JAK2: variants seen among roughly 807,000 people sequenced by gnomAD.
The protein encoded by JAK2 is Janus kinase 2, also known as tyrosine-protein kinase JAK2.
JAK2 carries 86 observed loss-of-function variants against 139.3 expected under a neutral mutation model. The ratio of observed to expected loss-of-function variants is 0.62; its 90% CI spans 0.52 to 0.74. JAK2 has a LOEUF of 0.74. Ranked by LOEUF, JAK2 falls within the 30% of genes least tolerant of loss-of-function variation. JAK2 has a pLI of 0.00. For missense variants in JAK2, 1,421 were observed against 1,360.3 expected (o/e 1.04, Z -0.70); for synonymous variants, 490 against 437.7 (o/e 1.12, Z -1.49).
intron 15 of JAK2, among the ~76,000 whole-genome samples, chr9:5,077,925 T>C (rs1259831593): frequency 6.6e-6 from 1 of 152,174 alleles, no homozygotes; most frequent in Non-Finnish European, 1.5e-5. Flanking sequence ...AAAGCGGTGT[T>C]GACAGAGAAG....
intron 19 of JAK2, among the ~76,000 whole-genome samples, chr9:5,088,777 A>G (rs1422497598): frequency 6.6e-6 from 1 of 152,148 alleles, no homozygotes; most frequent in Non-Finnish European, 1.5e-5. Flanking sequence ...CATGGGAGAG[A>G]GAGATTGCTC....
chr9:5,113,115 G>C (rs1822784046), intron 22 of JAK2, among the ~76,000 whole-genome samples: 1 of 149,722 alleles, frequency 6.7e-6, no homozygotes, highest in South Asian at 2.1e-4. Flanking sequence ...CCGTATCTCA[G>C]CCACCATGTC....
intron 22 of JAK2, among the ~76,000 whole-genome samples, chr9:5,092,578 A>T (rs1820670000): frequency 6.6e-6 from 1 of 152,220 alleles, no homozygotes; most frequent in East Asian, 1.9e-4. Flanking sequence ...TTATCTTGGC[A>T]CAATAGATAC....
intron 22 of JAK2, among the ~76,000 whole-genome samples, chr9:5,103,715 G>C (rs895383192): frequency 3.3e-5 from 5 of 152,048 alleles, no homozygotes; most frequent in Non-Finnish European, 5.9e-5. Context: ...ACAACAAACT[G>C]GCTCTCAGAG....
chr9:5,079,876 G>C (rs916593548), intron 16 of JAK2, among the ~76,000 whole-genome samples: 1 of 152,056 alleles, frequency 6.6e-6, no homozygotes, highest in Non-Finnish European at 1.5e-5. Context: ...TGAGAAAATG[G>C]TATGCCAGTT....
chr9:5,069,804 G>C (rs1380429418), intron 11 of JAK2, 121 bp from the exon 12 acceptor site: 2 of 479,130 alleles, frequency 4.2e-6, no homozygotes, highest in Non-Finnish European at 6.9e-6. Context: ...TATAAAAAAA[G>C]AACAATTAGG....
At chr9:5,094,078 T>C (rs990468005) in intron 22 of JAK2, 11 of 151,998 alleles carry the variant, frequency 7.2e-5, no homozygotes, top group Admixed American at 6.6e-4. Context: ...CAATCAAAGG[T>C]TCAACTCCCC....
chr9:5,061,567 A>C (rs964526976), intron 8 of JAK2, among the ~76,000 whole-genome samples: 9 of 152,244 alleles, frequency 5.9e-5, no homozygotes, highest in Admixed American at 6.5e-5. Context: ...CAGCCTTCAT[A>C]GAATTTAAGA....
chr9:5,105,461 A>C (rs966690502), intron 22 of JAK2, among the ~76,000 whole-genome samples: 3 of 152,228 alleles, frequency 2.0e-5, no homozygotes, highest in Non-Finnish European at 4.4e-5. Context: ...GATAGGAAGA[A>C]TCAATATCGT....
chr9:5,041,045 C>T (rs1816462727), intron 4 of JAK2: 1 of 682,342 alleles, frequency 1.5e-6, no homozygotes, highest in Non-Finnish European at 2.7e-6. Context: ...ACAAGCAGCT[C>T]AGCGCCATAG....
chr9:5,017,147 A>G (rs1272875479), intron 2 of JAK2, among the ~76,000 whole-genome samples: 3 of 152,244 alleles, frequency 2.0e-5, no homozygotes, highest in East Asian at 3.8e-4. Context: ...CAATGCAGTA[A>G]TATCTTTAAA....
intron 22 of JAK2, among the ~76,000 whole-genome samples, chr9:5,102,526 C>A (rs1016523892): frequency 1.3e-5 from 2 of 152,144 alleles, no homozygotes; most frequent in African/African-American, 4.8e-5. Flanking sequence ...CATTCAAATT[C>A]AGGAAATACA....
rs1824049119 is a variant in JAK2, at chr9:5,127,109, AATT to A, written c.*324_*326del. ...AACTCAGCTTTTTGAGACCTGAAAA[AATT>A]ATTATGTAAATTTTGCAATGTTAAA... On this transcript the variant is annotated 3_prime_UTR_variant, in exon 25 of 25. Coordinates refer to ENST00000381652, the MANE Select transcript of JAK2 (RefSeq NM_004972.4). The A allele has an allele frequency of 8.6e-5, 23 of 268,346 alleles. 1 individual carries two copies. The South Asian group carries it at 2.1e-3, about 25-fold the overall frequency. 16.6% of individuals were successfully genotyped at this position (268,346 alleles called of 1,614,324 possible). A position where few individuals can be genotyped will look rare whatever the true frequency, so the allele number is the denominator to read the frequency against.
At chr9:5,069,556 A>T (rs1001758542) in intron 11 of JAK2, among the ~76,000 whole-genome samples, 4 of 152,154 alleles carry the variant, frequency 2.6e-5, no homozygotes, top group Non-Finnish European at 5.9e-5. Flanking sequence ...AAAAATAAAG[A>T]CAGTAAAGTT....
chr9:5,111,190 C>T (rs1564014747), intron 22 of JAK2: 1 of 674,926 alleles, frequency 1.5e-6, no homozygotes. Context: ...ATTCACATTC[C>T]TGGGACCGGG....
intron 4 of JAK2, among the ~76,000 whole-genome samples, chr9:5,032,164 C>A (rs1205824058): frequency 6.6e-6 from 1 of 152,208 alleles, no homozygotes; most frequent in Non-Finnish European, 1.5e-5. Context: ...GCACAGCAGT[C>A]TGAGATCAAA....
intron 2 of JAK2, among the ~76,000 whole-genome samples, chr9:5,006,552 G>C (rs985488334): frequency 6.6e-6 from 1 of 152,150 alleles, no homozygotes; most frequent in Non-Finnish European, 1.5e-5. Context: ...TGTACACAAG[G>C]CATGGCTGGG....
At chr9:5,082,327 C>A (rs1819760141) in intron 19 of JAK2, among the ~76,000 whole-genome samples, 1 of 152,186 alleles carries the variant, frequency 6.6e-6, no homozygotes, top group Non-Finnish European at 1.5e-5. Flanking sequence ...CAAATAAGTT[C>A]AAGGGAAGGT....
chr9:5,096,934 CT>C (rs2130720685), intron 22 of JAK2: 1 of 152,250 alleles, frequency 6.6e-6, no homozygotes, highest in African/African-American at 2.4e-5. Flanking sequence ...ATTGCTGCCC[CT>C]GATATGGCAT....
Sources: gnomAD v4.1 joint callset for allele counts (sites outside exome capture counted in the v4.1 genomes callset) on GRCh38, gnomAD v4.1.1 for gene constraint, MANE v1.5 for transcripts, NCBI Gene and HGNC (gene_info 2026-07-23, HGNC 2026-07-21) for gene names.